The following CASZ1 variants were observed in gnomAD, a reference collection of about 807,000 sequenced individuals.
CASZ1 encodes the protein zinc finger protein castor homolog 1.
CASZ1 carries 28 observed loss-of-function variants against 135.2 expected under a neutral mutation model. The observed-to-expected ratio is 0.21, with a 90% CI of 0.15 to 0.28. The LOEUF is 0.28. Among genes scored for constraint, CASZ1 ranks in the 10% least tolerant of loss-of-function variants. The probability of loss-of-function intolerance (pLI) is 1.00; values close to 1 mark genes in which losing one functional copy is unlikely to be tolerated. For missense variants in CASZ1, 2,161 were observed against 2,453.3 expected, an observed-to-expected ratio of 0.88 and a Z score of 2.52; for synonymous variants, 1,068 against 1,073.4, an observed-to-expected ratio of 0.99 and a Z score of 0.10.
At chr1:10,763,742 C>A (rs1456676992) in intron 1 of CASZ1, among the ~76,000 whole-genome samples, 9 of 152,218 alleles carry the variant, frequency 5.9e-5, no homozygotes, top group Non-Finnish European at 1.3e-4. Context: ...AGCACAACAG[C>A]TGGGCCACCG....
rs535506274 is a variant in CASZ1, at chr1:10,657,428, C to G, written c.1410-692G>C. 6.6e-6 allele frequency among the ~76,000 whole-genome samples: 1 copy of G among 152,190 alleles called. No individual in the cohort carries two copies. The highest frequency in any genetic ancestry group is 2.4e-5 in the African/African-American group (1 of 41,440). On this transcript the variant is annotated intron_variant, in intron 7 of 20. Transcript: ENST00000377022. The surrounding 1 kb of genome is among the most constrained non-coding windows in gnomAD (Gnocchi z 5.7). ...GTGGAGAAGGGTGTGACTCAGCCCG[C>G]CTGTACCCCTCCAAGACTGAAGTGA...
intron 15 of CASZ1, chr1:10,648,810 G>A: frequency 2.0e-6 from 1 of 504,186 alleles, no homozygotes; most frequent in South Asian, 2.2e-5. Flanking sequence ...ACTGATGGCT[G>A]CCCTGGGGAC....
At chr1:10,670,815 C>T (rs1328222873) in intron 4 of CASZ1, among the ~76,000 whole-genome samples, 1 of 152,232 alleles carries the variant, frequency 6.6e-6, no homozygotes, top group African/African-American at 2.4e-5. Flanking sequence ...GTTCCTTCCC[C>T]ATCCTTCAGC....
At chr1:10,746,179 CTT>C (rs1306093826) in intron 2 of CASZ1, among the ~76,000 whole-genome samples, 1 of 152,210 alleles carries the variant, frequency 6.6e-6, no homozygotes, top group Non-Finnish European at 1.5e-5. Context: ...CCACAGGACA[CTT>C]GAGATGAAGA....
Position 10,677,784 on chromosome 1 carries a change from C to T in CASZ1, c.17-12213G>A, listed in dbSNP as rs141803519. Among the ~76,000 whole-genome samples the T allele has an allele frequency of 4.1e-3, 627 of 152,322 alleles. 3 individuals are homozygous for T. The highest frequency in any genetic ancestry group is 0.014 in the African/African-American group (598 of 41,576). ...CTTTCCGCAGCCTTGGAGATTGCAC[C>T]AGGCCCCTCGGGCCCCAAATACCAC... is the stretch of plus-strand genomic sequence containing the variant. On this transcript the variant is annotated intron_variant, in intron 4 of 20. Transcript: ENST00000377022.
chr1:10,768,430 C>T (rs907072304), intron 1 of CASZ1, among the ~76,000 whole-genome samples: 4 of 152,286 alleles, frequency 2.6e-5, no homozygotes, highest in Non-Finnish European at 5.9e-5. Flanking sequence ...GTTGGCCAGG[C>T]TGGTCTCAAA....
chr1:10,767,025 G>A lies in CASZ1; in HGVS notation c.-233-6168C>T, dbSNP rs1368574730. Among the ~76,000 whole-genome samples, 2 of 152,196 alleles carry A rather than the reference G, an allele frequency of 1.3e-5. No individual in the cohort carries two copies. The highest frequency in any genetic ancestry group is 1.9e-4 in the East Asian group (1 of 5,192). On this transcript the variant is annotated intron_variant, in intron 1 of 20. Transcript: ENST00000377022. The surrounding 1 kb of genome is among the most constrained non-coding windows in gnomAD (Gnocchi z 4.2). ...TCTGGACTGGCCTTAGAGGCAGAGTGGTGGGACCTAGACTCGCTCTTCCCA... is the reference window on the plus strand; with the variant it reads ...TCTGGACTGGCCTTAGAGGCAGAGTAGTGGGACCTAGACTCGCTCTTCCCA...
intron 4 of CASZ1, among the ~76,000 whole-genome samples, chr1:10,683,684 C>A (rs910902205): frequency 6.6e-6 from 1 of 152,190 alleles, no homozygotes; most frequent in African/African-American, 2.4e-5. Flanking sequence ...AGAGACAAGT[C>A]GGAGTGCGTT....
At chr1:10,770,466 A>T (rs1376713223) in intron 1 of CASZ1, among the ~76,000 whole-genome samples, 2 of 152,196 alleles carry the variant, frequency 1.3e-5, no homozygotes, top group Non-Finnish European at 2.9e-5. Context: ...ATAGATTTTT[A>T]AAAAGGCCCT....
At chr1:10,656,555 C>A (rs1642802423) in intron 8 of CASZ1, 91 bp downstream of exon 8, 4 of 962,694 alleles carry the variant, frequency 4.2e-6, no homozygotes, top group African/African-American at 1.6e-5. Flanking sequence ...AGAACTAACC[C>A]CCCCCACTGC....
Position 10,777,354 on chromosome 1 carries a change from G to A in CASZ1, c.-233-16497C>T, listed in dbSNP as rs972496845. ...GGGCCAGGCCACCTCTGACCTCTGT[G>A]ACTTCACCCTTCACCCACAAGCCTC... is the stretch of plus-strand genomic sequence containing the variant. On this transcript the variant is annotated intron_variant, in intron 1 of 20. Coordinates refer to ENST00000377022, the MANE Select transcript of CASZ1 (RefSeq NM_001079843.3). The surrounding 1 kb of genome is among the most constrained non-coding windows in gnomAD (Gnocchi z 4.4). Among the ~76,000 whole-genome samples, 1 of 152,076 alleles carries A rather than the reference G, an allele frequency of 6.6e-6. No homozygotes were observed. The highest frequency in any genetic ancestry group is 6.6e-5 in the Admixed American group (1 of 15,262).
chr1:10,674,982 G>A (rs1451269208), intron 4 of CASZ1, among the ~76,000 whole-genome samples: 1 of 152,124 alleles, frequency 6.6e-6, no homozygotes, highest in Non-Finnish European at 1.5e-5. Flanking sequence ...TGCAAGGGGA[G>A]CGCCCACCCC....
rs1221187025 is a variant in CASZ1 at position 10,694,904 on chromosome 1, C to T, written c.-23-992G>A. ...CTTGCCGGCCGCCGGCGGCCGCGCG[C>T]GCGCTCGCATGCTGCCAGCGGCCGC... On this transcript the variant is annotated intron_variant, in intron 3 of 20. Transcript: ENST00000377022. The surrounding 1 kb of genome is among the most constrained non-coding windows in gnomAD (Gnocchi z 6.6). Among the ~76,000 whole-genome samples the T allele has an allele frequency of 6.9e-6, 1 of 143,894 alleles. No homozygotes were observed. The highest frequency in any genetic ancestry group is 1.5e-5 in the Non-Finnish European group (1 of 64,888). The allele number at this position is 143,894 out of a possible 152,430, so 94.4% of individuals were successfully genotyped here.
intron 9 of CASZ1, among the ~76,000 whole-genome samples, chr1:10,655,227 C>T (rs1018961786): frequency 6.6e-6 from 1 of 152,206 alleles, no homozygotes; most frequent in African/African-American, 2.4e-5. Context: ...AGGCATAGGG[C>T]TGCTATTTGC....
rs1277468282 is a variant in CASZ1 at position 10,776,234 on chromosome 1, C to T, written c.-233-15377G>A. Among the ~76,000 whole-genome samples, 7 of 152,194 alleles carry T rather than the reference C, an allele frequency of 4.6e-5. No individual in the cohort carries two copies. The highest frequency in any genetic ancestry group is 2.1e-4 in the South Asian group (1 of 4,828). On this transcript the variant is annotated intron_variant, in intron 1 of 20. Coordinates refer to ENST00000377022, the MANE Select transcript of CASZ1 (RefSeq NM_001079843.3). The surrounding 1 kb of genome is among the most constrained non-coding windows in gnomAD (Gnocchi z 4.1). ...GGGAAGAGCTAAAATTAACATAGAG[C>T]GAGCAGTGTTTGCTATTACATTCAA...
intron 4 of CASZ1, among the ~76,000 whole-genome samples, chr1:10,682,689 G>C (rs993557253): frequency 1.3e-5 from 2 of 152,176 alleles, no homozygotes; most frequent in Non-Finnish European, 2.9e-5. Context: ...ATCTGTCCCT[G>C]GGCCCCCCAG....
Position 10,788,218 on chromosome 1 carries a change from C to T in CASZ1, c.-234+8346G>A, listed in dbSNP as rs569929074. Reference sequence around the variant, plus strand: ...GAGCTGCCTTTGGCTTGGTGAGGGGCATCGCTACCTGAGCAGGTGGGGTTC... The same window carrying T: ...GAGCTGCCTTTGGCTTGGTGAGGGGTATCGCTACCTGAGCAGGTGGGGTTC... On this transcript the variant is annotated intron_variant, in intron 1 of 20. Transcript: ENST00000377022. This position sits in a 1 kb window ranked among gnomAD's most constrained non-coding sequence, Gnocchi z 4.1. Among the ~76,000 whole-genome samples the T allele has an allele frequency of 6.6e-6, 1 of 152,284 alleles. No homozygotes were observed. The highest frequency in any genetic ancestry group is 2.1e-4 in the South Asian group (1 of 4,824).
At chr1:10,667,957 G>A (rs921747936) in intron 4 of CASZ1, among the ~76,000 whole-genome samples, 3 of 151,890 alleles carry the variant, frequency 2.0e-5, no homozygotes, top group African/African-American at 7.3e-5. Flanking sequence ...CCAGCCCCAG[G>A]CCCCTTTGCT....
rs142859359 is a variant in CASZ1, at chr1:10,702,962, C to CAGAGAGAGAG, written c.-24+2520_-24+2529dup. Among the ~76,000 whole-genome samples the CAGAGAGAGAG allele has an allele frequency of 2.1e-3, 296 of 142,862 alleles. 2 individuals are homozygous for CAGAGAGAGAG. Among genetic ancestry groups the CAGAGAGAGAG allele is most frequent in the East Asian group, 4.3e-3 (21 of 4,854 alleles). 93.7% of individuals were successfully genotyped at this position (142,862 alleles called of 152,430 possible). ...GATGAAAAGGAGAGAGAGGGAGAGG[C>CAGAGAGAGAG]AGAGAGAGAGAGAGAGAGAGAGAGC... On this transcript the variant is annotated intron_variant, in intron 3 of 20. Coordinates refer to ENST00000377022, the MANE Select transcript of CASZ1 (RefSeq NM_001079843.3).
Sources: allele counts gnomAD v4.1 joint callset (sites outside exome capture counted in the v4.1 genomes callset), GRCh38; gene constraint gnomAD v4.1.1; non-coding constraint Gnocchi (gnomAD v3.1); transcripts MANE v1.5; gene names NCBI Gene and HGNC (gene_info 2026-07-23, HGNC 2026-07-21).